Variants in GPR15LG observed in about 807,000 individuals in gnomAD.
GPR15LG encodes G protein-coupled receptor 15 ligand.
At chr10:84,176,115 C>T in the GPR15LG span, among the ~76,000 whole-genome samples, 6 of 150,692 alleles carry the variant, frequency 4.0e-5, no homozygotes, top group Middle Eastern at 3.5e-3. Flanking sequence ...CTCGAACACT[C>T]GACCTCAAGT....
At chr10:84,177,741 A>G in the GPR15LG span, among the ~76,000 whole-genome samples, 1 of 152,200 alleles carries the variant, frequency 6.6e-6, no homozygotes, top group Admixed American at 6.5e-5. Flanking sequence ...GTGCCAGCCC[A>G]GGCAGGATGC....
chr10:84,181,230 A>T, the GPR15LG span, among the ~76,000 whole-genome samples: 36,132 of 125,446 alleles, frequency 0.29, 6,451 homozygotes, highest in Non-Finnish European at 0.36. Flanking sequence ...GGGCTTTTTT[A>T]AAAAATTAAA....
the GPR15LG span, among the ~76,000 whole-genome samples, chr10:84,177,176 G>C: frequency 6.6e-6 from 1 of 152,212 alleles, no homozygotes; most frequent in Admixed American, 6.5e-5. Flanking sequence ...GCCCAGAAGA[G>C]CAAGGCTGCC....
At chr10:84,181,430 T>C in the GPR15LG span, among the ~76,000 whole-genome samples, 1 of 151,732 alleles carries the variant, frequency 6.6e-6, no homozygotes, top group Non-Finnish European at 1.5e-5. Context: ...AGTCTTTTTG[T>C]TGTTGTTTTT....
At chr10:84,174,172 G>A in the GPR15LG span, among the ~76,000 whole-genome samples, 26 of 152,294 alleles carry the variant, frequency 1.7e-4, no homozygotes, top group African/African-American at 4.3e-4. Flanking sequence ...TGGTGTGTTC[G>A]CCATGCAAAC....
At chr10:84,184,570 T>A in the GPR15LG span, 1 of 1,133,968 alleles carries the variant, frequency 8.8e-7, no homozygotes, top group African/African-American at 1.6e-5. Flanking sequence ...TTTTTTTAAA[T>A]GTGTTTGAAA....
chr10:84,184,946 G>T, the GPR15LG span: 1 of 1,451,488 alleles, frequency 6.9e-7, no homozygotes, highest in East Asian at 2.6e-5. Flanking sequence ...TCTCAATTGT[G>T]CCATCAACTT....
At chr10:84,182,010 C>T in the GPR15LG span, among the ~76,000 whole-genome samples, 51 of 152,332 alleles carry the variant, frequency 3.3e-4, no homozygotes, top group East Asian at 9.3e-3. Context: ...CTCCTTGCCC[C>T]CTCACTGTTT....
chr10:84,182,337 A>T, the GPR15LG span, among the ~76,000 whole-genome samples: 1 of 152,248 alleles, frequency 6.6e-6, no homozygotes, highest in African/African-American at 2.4e-5. Flanking sequence ...TAGCTGCAGA[A>T]CAACCCACTC....
At chr10:84,176,569 G>A in the GPR15LG span, 1 of 1,612,382 alleles carries the variant, frequency 6.2e-7, no homozygotes, top group South Asian at 1.1e-5. Flanking sequence ...AAACCTGAAA[G>A]GTAAGTACCC....
At chr10:84,179,117 T>A in the GPR15LG span, among the ~76,000 whole-genome samples, 5,416 of 152,306 alleles carry the variant, frequency 0.036, 141 homozygotes, top group Admixed American at 0.062. Context: ...GAAATAGCCA[T>A]CTGGGCTGGG....
At chr10:84,175,592 C>A in the GPR15LG span, among the ~76,000 whole-genome samples, 5 of 152,212 alleles carry the variant, frequency 3.3e-5, no homozygotes, top group African/African-American at 9.7e-5. Context: ...GCAGGCTTGA[C>A]TTCCAGGGCT....
chr10:84,180,577 G>A, the GPR15LG span, among the ~76,000 whole-genome samples: 1 of 151,864 alleles, frequency 6.6e-6, no homozygotes, highest in Non-Finnish European at 1.5e-5. Flanking sequence ...ATGACGGCCG[G>A]GAAGAGGCAC....
At chr10:84,176,408 C>A in the GPR15LG span, 1 of 1,081,364 alleles carries the variant, frequency 9.2e-7, no homozygotes, top group Non-Finnish European at 1.4e-6. Flanking sequence ...GAGCCCTGTG[C>A]CTTGGAAGGG....
the GPR15LG span, chr10:84,184,929 G>A: frequency 1.4e-4 from 208 of 1,471,518 alleles, no homozygotes; most frequent in African/African-American, 1.7e-4. Flanking sequence ...AGAACTCCAC[G>A]TCCTTGTCTC....
chr10:84,178,372 AT>A, the GPR15LG span, among the ~76,000 whole-genome samples: 1 of 151,702 alleles, frequency 6.6e-6, no homozygotes, highest in African/African-American at 2.4e-5. Flanking sequence ...ACACACACGT[AT>A]ACCAGACACA....
the GPR15LG span, among the ~76,000 whole-genome samples, chr10:84,184,159 GAAAA>G: frequency 1.4e-5 from 2 of 138,566 alleles, no homozygotes; most frequent in African/African-American, 5.1e-5. Flanking sequence ...CATCTTTCTT[GAAAA>G]AAAAAAAAAA....
the GPR15LG span, chr10:84,184,932 C>T: frequency 6.8e-7 from 1 of 1,468,980 alleles, no homozygotes; most frequent in African/African-American, 1.4e-5. Flanking sequence ...ACTCCACGTC[C>T]TTGTCTCAAT....
chr10:84,174,384 G>GGT, the GPR15LG span, among the ~76,000 whole-genome samples: 17 of 152,162 alleles, frequency 1.1e-4, no homozygotes, highest in Admixed American at 3.9e-4. Context: ...CTGAAATGAA[G>GGT]GTGTGTGTGG....
Sources: gnomAD v4.1 joint callset for allele counts (sites outside exome capture counted in the v4.1 genomes callset) on GRCh38, gnomAD v4.1.1 for gene constraint, MANE v1.5 for transcripts, NCBI Gene and HGNC (gene_info 2026-07-23, HGNC 2026-07-21) for gene names.